XPR1: variants seen among roughly 807,000 people sequenced by gnomAD.
XPR1 encodes the protein solute carrier family 53 member 1.
A neutral mutation model predicts 87.5 loss-of-function variants in XPR1; 28 were observed. The ratio of observed to expected loss-of-function variants is 0.32; its 90% CI spans 0.24 to 0.44. The LOEUF (loss-of-function observed/expected upper bound fraction) is 0.44, where lower values mean the gene tolerates loss of function less well. Among genes scored for constraint, XPR1 ranks in the 20% least tolerant of loss-of-function variants. XPR1 has a pLI of 1.00. For synonymous variants in XPR1, 300 were observed against 306.1 expected (o/e 0.98, Z 0.21); for missense variants, 559 against 862.3 (o/e 0.65, Z 4.41).
intron 2 of XPR1, among the ~76,000 whole-genome samples, chr1:180,747,662 C>T (rs1024169035): frequency 6.6e-6 from 1 of 152,136 alleles, no homozygotes; most frequent in Non-Finnish European, 1.5e-5. Context: ...AAAAATTAAT[C>T]TGATTTTAAT....
intron 2 of XPR1, among the ~76,000 whole-genome samples, chr1:180,774,384 C>CTTTTTTTTTTTTTTTTTTTTTTTTT (rs71121051): frequency 1.5e-5 from 1 of 68,900 alleles, no homozygotes; most frequent in Non-Finnish European, 2.7e-5. Flanking sequence ...TCTTTCCTAT[C>CTTTTTTTTTTTTTTTTTTTTTTTTT]TTTTTTTTTT....
intron 2 of XPR1, among the ~76,000 whole-genome samples, chr1:180,759,546 C>T (rs369774933): frequency 1.3e-5 from 2 of 152,048 alleles, no homozygotes; most frequent in Non-Finnish European, 2.9e-5. Flanking sequence ...ACACATACAC[C>T]CTCCCAAGAC....
intron 3 of XPR1, among the ~76,000 whole-genome samples, chr1:180,801,694 G>A (rs1309214255): frequency 6.6e-6 from 1 of 152,000 alleles, no homozygotes; most frequent in African/African-American, 2.4e-5. Context: ...GCAAGGAATA[G>A]GAGAATTATG....
chr1:180,658,404 G>T (rs575041013), intron 1 of XPR1, among the ~76,000 whole-genome samples: 1 of 152,268 alleles, frequency 6.6e-6, no homozygotes, highest in South Asian at 2.1e-4. Flanking sequence ...TCCCCATTCA[G>T]TATAATACTA....
intron 1 of XPR1, among the ~76,000 whole-genome samples, chr1:180,646,198 A>G (rs779756031): frequency 2.0e-5 from 3 of 152,188 alleles, no homozygotes; most frequent in Non-Finnish European, 4.4e-5. Context: ...AGAGGAACAC[A>G]TGCCACCTTT....
At chr1:180,849,682 G>A (rs1651802107) in intron 11 of XPR1, among the ~76,000 whole-genome samples, 1 of 152,184 alleles carries the variant, frequency 6.6e-6, no homozygotes, top group Non-Finnish European at 1.5e-5. Context: ...GTGATGAATG[G>A]TACATAGGCA....
At chr1:180,804,564 A>G (rs1649922774) in intron 4 of XPR1, among the ~76,000 whole-genome samples, 1 of 152,100 alleles carries the variant, frequency 6.6e-6, no homozygotes, top group Non-Finnish European at 1.5e-5. Context: ...TCATCATAGG[A>G]TGATATACCA....
At chr1:180,731,497 T>C (rs534067389) in intron 2 of XPR1, among the ~76,000 whole-genome samples, 1 of 152,296 alleles carries the variant, frequency 6.6e-6, no homozygotes, top group African/African-American at 2.4e-5. Context: ...AGTTCTTTGA[T>C]ACCTTTTTTT....
intron 13 of XPR1, among the ~76,000 whole-genome samples, chr1:180,876,540 T>C (rs953156593): frequency 1.3e-5 from 2 of 151,552 alleles, no homozygotes; most frequent in African/African-American, 4.9e-5. Flanking sequence ...GGAGGCTGAG[T>C]TGGGAGAATT....
At chr1:180,745,087 A>T (rs945882064) in intron 2 of XPR1, among the ~76,000 whole-genome samples, 1 of 152,190 alleles carries the variant, frequency 6.6e-6, no homozygotes. Flanking sequence ...GTGACCAGAT[A>T]TGTGTCAGTT....
Position 180,859,813 on chromosome 1 carries a change from A to G in XPR1, c.1502-3895A>G, listed in dbSNP as rs553745016. Among the ~76,000 whole-genome samples the G allele has an allele frequency of 3.3e-5, 5 of 152,276 alleles. No homozygotes were observed. The South Asian group carries it at 1.0e-3, about 32-fold the overall frequency. On this transcript the variant is annotated intron_variant, in intron 11 of 14. Coordinates refer to ENST00000367590, the MANE Select transcript of XPR1 (RefSeq NM_004736.4). ...TATAAAAAATTAGAGTGTGATTCAG[A>G]AAAGAAAGATACTTTTAAATGGTTT...
intron 1 of XPR1, among the ~76,000 whole-genome samples, chr1:180,675,791 T>TGTC (rs1243810432): frequency 6.6e-6 from 1 of 152,208 alleles, no homozygotes. Flanking sequence ...GGGTGACTCA[T>TGTC]AGACAAACAG....
chr1:180,704,450 T>G (rs982204495), intron 2 of XPR1, among the ~76,000 whole-genome samples: 15 of 151,340 alleles, frequency 9.9e-5, no homozygotes, highest in African/African-American at 3.4e-4. Context: ...TACATACAGA[T>G]TGTATAGGAA....
At chr1:180,723,460 T>A (rs1658239905) in intron 2 of XPR1, among the ~76,000 whole-genome samples, 1 of 152,206 alleles carries the variant, frequency 6.6e-6, no homozygotes, top group African/African-American at 2.4e-5. Context: ...AATCTATATA[T>A]GTTAGCAGTT....
At chr1:180,767,633 A>AT (rs2102061536) in intron 2 of XPR1, among the ~76,000 whole-genome samples, 1 of 152,336 alleles carries the variant, frequency 6.6e-6, no homozygotes, top group South Asian at 2.1e-4. Context: ...TAAAATTATG[A>AT]TTTTAAAGAG....
At chr1:180,793,398 C>T (rs764645512) in intron 3 of XPR1, among the ~76,000 whole-genome samples, 4 of 151,790 alleles carry the variant, frequency 2.6e-5, no homozygotes, top group Non-Finnish European at 5.9e-5. Context: ...ATCTTTTACA[C>T]TGAAATAGTA....
chr1:180,642,083 T>C (rs1357892383), intron 1 of XPR1, among the ~76,000 whole-genome samples: 2 of 152,158 alleles, frequency 1.3e-5, no homozygotes, highest in Non-Finnish European at 2.9e-5. Flanking sequence ...ATGTTATTAT[T>C]TACCCAACAA....
chr1:180,754,494 T>G (rs1647653122), intron 2 of XPR1, among the ~76,000 whole-genome samples: 1 of 152,164 alleles, frequency 6.6e-6, no homozygotes, highest in African/African-American at 2.4e-5. Flanking sequence ...AGGGTCTCCC[T>G]GTATCACCCT....
chr1:180,878,275 AAAAC>A (rs1209425902), intron 13 of XPR1: 2 of 152,360 alleles, frequency 1.3e-5, no homozygotes, highest in South Asian at 2.1e-4. Flanking sequence ...TATCCCATTT[AAAAC>A]AAACAAAAAA....
Sources: allele counts gnomAD v4.1 joint callset (sites outside exome capture counted in the v4.1 genomes callset), GRCh38; gene constraint gnomAD v4.1.1; transcripts MANE v1.5; gene names NCBI Gene and HGNC (gene_info 2026-07-23, HGNC 2026-07-21).